The following XK variants were observed in gnomAD, a reference collection of about 807,000 sequenced individuals.
XK encodes the protein endoplasmic reticulum membrane adapter protein XK.
Under a neutral mutation model 14.0 loss-of-function variants are expected in XK, and 2 were observed. That is an observed-to-expected ratio of 0.14 (90% CI 0.06 to 0.45). The LOEUF (loss-of-function observed/expected upper bound fraction) is 0.45, where lower values mean the gene tolerates loss of function less well. XK is among the 20% of genes least tolerant of loss of function. XK has a pLI of 0.98. For synonymous variants in XK, 149 were observed against 147.5 expected (o/e 1.01, Z -0.08); for missense variants, 235 against 341.5 (o/e 0.69, Z 2.46).
intron 1 of XK, 141 bp from the exon 2 acceptor site, chrX:37,694,145 G>A: frequency 1.3e-6 from 1 of 767,154 alleles, no homozygotes; most frequent in East Asian, 3.5e-5. Flanking sequence ...GGTCCTTGGA[G>A]TAGTTGATTT....
rs1927268369 is a variant in XK, at chrX:37,694,477, T to G, written c.437T>G (p.Leu146Trp). ...CGGGCGTCGGTGATCCAGGCTTTCT[T>G]GGGCTCAGCCCCCCAGCTGACCCTA... ...FSRASVIQAF[L>W]GSAPQLTLQL... The change falls in exon 2 of 3, where the codon TTG (leucine) becomes TGG (tryptophan). Residue 146 changes from leucine (L) to tryptophan (W), a missense_variant. Physicochemically the swap from Leu to Trp is moderately conservative, Grantham distance 61 (BLOSUM62 -2). Coordinates refer to ENST00000378616, the MANE Select transcript of XK (RefSeq NM_021083.4). 1 of 1,189,847 alleles carries G rather than the reference T, an allele frequency of 8.4e-7. No homozygotes were observed. The highest frequency in any genetic ancestry group is 1.8e-5 in the African/African-American group (1 of 56,796).
At chrX:37,724,885 T>C (rs1197905818) in intron 2 of XK, among the ~76,000 whole-genome samples, 2 of 110,056 alleles carry the variant, frequency 1.8e-5, no homozygotes, top group Non-Finnish European at 3.8e-5. Flanking sequence ...AGATGGCAAA[T>C]AAGCATATGA....
intron 2 of XK, among the ~76,000 whole-genome samples, chrX:37,726,636 G>A (rs1268832723): frequency 2.7e-5 from 3 of 112,247 alleles, no homozygotes; most frequent in African/African-American, 9.7e-5. Flanking sequence ...GCTCTGGAAT[G>A]TAATACCACG....
chrX:37,720,624 T>TAATGTAC (rs1927851523), intron 2 of XK, among the ~76,000 whole-genome samples: 3 of 110,869 alleles, frequency 2.7e-5, no homozygotes, highest in Non-Finnish European at 5.7e-5. Context: ...GTCACCCAAA[T>TAATGTAC]AATGTACATT....
chrX:37,722,921 C>T (rs782757373), intron 2 of XK, among the ~76,000 whole-genome samples: 88 of 111,574 alleles, frequency 7.9e-4, no homozygotes, highest in Middle Eastern at 4.7e-3. Context: ...AGGAAATGAA[C>T]AAATCCATGC....
intron 2 of XK, among the ~76,000 whole-genome samples, chrX:37,715,624 T>C (rs1256577274): frequency 8.9e-6 from 1 of 111,811 alleles, no homozygotes; most frequent in Non-Finnish European, 1.9e-5. Context: ...TGTATATATC[T>C]GATAGTAGAT....
chrX:37,728,988 C>A lies in XK; in HGVS notation c.*526C>A. On this transcript the variant is annotated 3_prime_UTR_variant, in exon 3 of 3. Transcript: ENST00000378616. ...TTGGTTTTTGAATAGACAGAGGTTT[C>A]ATTTTCATCTCATTAGGGCTTTTTT... 1 of 119,028 alleles carries A rather than the reference C, an allele frequency of 8.4e-6. No individual in the cohort carries two copies. Among genetic ancestry groups the A allele is most frequent in the Non-Finnish European group, 1.8e-5 (1 of 56,482 alleles). 9.8% of individuals were successfully genotyped at this position (119,028 alleles called of 1,213,427 possible).
intron 2 of XK, among the ~76,000 whole-genome samples, chrX:37,717,453 C>T (rs1384266028): frequency 9.0e-6 from 1 of 111,694 alleles, no homozygotes; most frequent in Non-Finnish European, 1.9e-5. Flanking sequence ...GTGATTCATA[C>T]CTGTAAAATT....
intron 2 of XK, among the ~76,000 whole-genome samples, chrX:37,720,132 A>G (rs1216097271): frequency 3.6e-5 from 4 of 111,487 alleles, no homozygotes; most frequent in Non-Finnish European, 7.6e-5. Flanking sequence ...TTGCTCCCAT[A>G]CCCACCAGCT....
chrX:37,691,114 G>A (rs1250792242), intron 1 of XK, among the ~76,000 whole-genome samples: 2 of 112,296 alleles, frequency 1.8e-5, no homozygotes, highest in African/African-American at 6.5e-5. Flanking sequence ...GGTTCCGCCT[G>A]AGCTTTAGGA....
At chrX:37,688,161 C>T (rs1242916109) in intron 1 of XK, among the ~76,000 whole-genome samples, 2 of 105,358 alleles carry the variant, frequency 1.9e-5, no homozygotes, top group African/African-American at 3.5e-5. Context: ...CCCAGGTTCA[C>T]GCCATTCTTC....
Position 37,728,039 on chromosome X carries a change from C to T in XK, c.912C>T (p.Ser304=), listed in dbSNP as rs1236999100. 1 of 1,209,431 alleles carries T rather than the reference C, an allele frequency of 8.3e-7. No homozygotes were observed. Among genetic ancestry groups the T allele is most frequent in the African/African-American group, 1.8e-5 (1 of 57,000 alleles). Residue 304 remains serine, a synonymous_variant, in exon 3 of 3, where the codon AGC becomes AGT. Coordinates refer to ENST00000378616, the MANE Select transcript of XK (RefSeq NM_021083.4). Reference sequence around the variant, plus strand: ...CTGCTGTACAGCTGAAAATTGACAGCCCTGACCTCATCAGCAAGTCCCATA... The same window carrying T: ...CTGCTGTACAGCTGAAAATTGACAGTCCTGACCTCATCAGCAAGTCCCATA... ...CWSAVQLKID[S]PDLISKSHNW...
chrX:37,705,021 G>C (rs1452479405), intron 2 of XK, among the ~76,000 whole-genome samples: 1 of 112,035 alleles, frequency 8.9e-6, no homozygotes, highest in Non-Finnish European at 1.9e-5. Context: ...ACATATGTAA[G>C]CATAATGATT....
At chrX:37,705,113 C>T (rs1350676949) in intron 2 of XK, among the ~76,000 whole-genome samples, 1 of 111,310 alleles carries the variant, frequency 9.0e-6, no homozygotes, top group East Asian at 2.8e-4. Flanking sequence ...TGATGTGTAT[C>T]CTCAATTTAA....
chrX:37,697,146 A>G, intron 2 of XK, among the ~76,000 whole-genome samples: 1 of 111,789 alleles, frequency 8.9e-6, no homozygotes, highest in Non-Finnish European at 1.9e-5. Flanking sequence ...GATTAGAGTT[A>G]CCTGGGGGCT....
At chrX:37,706,857 A>G (rs1211030861) in intron 2 of XK, among the ~76,000 whole-genome samples, 2 of 110,041 alleles carry the variant, frequency 1.8e-5, no homozygotes, top group African/African-American at 6.6e-5. Flanking sequence ...GCTGCCTTCA[A>G]GCATCTGTTT....
Position 37,716,015 on chromosome X carries a change from C to T in XK, c.509-11621C>T, listed in dbSNP as rs186178624. 4.2e-4 allele frequency among the ~76,000 whole-genome samples: 47 copies of T among 111,620 alleles called. 1 individual carries two copies. Among genetic ancestry groups the T allele is most frequent in the Admixed American group, 3.7e-3 (39 of 10,522 alleles). On this transcript the variant is annotated intron_variant, in intron 2 of 2. Coordinates refer to ENST00000378616, the MANE Select transcript of XK (RefSeq NM_021083.4). ...ATGGAAGTTACTTAGTGGTACACAG[C>T]GGGAAGACATATGCCTCCTACCCAC...
intron 1 of XK, among the ~76,000 whole-genome samples, chrX:37,687,450 C>CT (rs1556440528): frequency 4.1e-4 from 44 of 107,526 alleles, no homozygotes; most frequent in Admixed American, 9.0e-4. Flanking sequence ...TTTTTTCTTT[C>CT]TTTTTTTTTG....
chrX:37,700,784 C>A (rs1556443632), intron 2 of XK, among the ~76,000 whole-genome samples: 1 of 110,809 alleles, frequency 9.0e-6, no homozygotes, highest in African/African-American at 3.3e-5. Context: ...AGGCTTTATT[C>A]AGAATAGCAA....
Sources: allele counts gnomAD v4.1 joint callset (sites outside exome capture counted in the v4.1 genomes callset), GRCh38; gene constraint gnomAD v4.1.1; transcripts MANE v1.5; gene names NCBI Gene and HGNC (gene_info 2026-07-23, HGNC 2026-07-21).